TYMP: variants seen among roughly 807,000 people sequenced by gnomAD.
TYMP encodes the protein gliostatin.
In TYMP, 46 loss-of-function variants were observed where a neutral mutation model predicts 42.3. The observed-to-expected ratio is 1.09, with a 90% confidence interval of 0.86 to 1.39. The LOEUF (loss-of-function observed/expected upper bound fraction) is 1.39, where lower values mean the gene tolerates loss of function less well. Ranked by LOEUF, TYMP falls within the 40% of genes most tolerant of loss-of-function variation. TYMP has a pLI of 0.00. For missense variants in TYMP, 837 were observed against 677.6 expected (o/e 1.24, Z -2.61); for synonymous variants, 363 against 308.0 (o/e 1.18, Z -1.87).
rs2069440584 is a variant in TYMP, at chr22:50,527,588, C to T, written c.646G>A (p.Ala216Thr). 1.9e-6 allele frequency: 3 copies of T among 1,613,854 alleles called. No individual in the cohort carries two copies. Among genetic ancestry groups the T allele is most frequent in the Admixed American group, 1.7e-5 (1 of 60,000 alleles). The stretch of plus-strand genomic sequence containing the variant: ...GAAGCAGGCCATGGAGTCAGGTCAC[C>T]TGTGATGAGTGGCAGGCTGTCCACG... ...ATVDSLPLIT[A>T]SILSKKLVEG... Residue 216 changes from alanine (A) to threonine (T), a missense_variant and splice_region_variant, in exon 5 of 10, where the codon GCC becomes ACC. Transcript: ENST00000252029.
Position 50,529,209 on chromosome 22 carries a change from T to C in TYMP, c.344A>G (p.Lys115Arg), listed in dbSNP as rs775841111. 1.9e-6 allele frequency: 3 copies of C among 1,613,314 alleles called. No homozygotes were observed. Among genetic ancestry groups the C allele is most frequent in the East Asian group, 4.5e-5 (2 of 44,888 alleles). Residue 115 changes from lysine to arginine, a missense_variant, in exon 3 of 10, where the codon AAG (lysine) becomes AGG (arginine). Physicochemically the swap from Lys to Arg is conservative, Grantham distance 26. Transcript: ENST00000252029. ...PEAWRQQLVD[K>R]HSTGGVGDKV... ...GTCACCCACACCCCCTGTGGAATGC[T>C]TGTCCACAAGCTGCTGGCGCCAGGC...
Position 50,525,927 on chromosome 22 carries a change from C to T in TYMP, c.1301-9G>A, listed in dbSNP as rs548524392. 41 of 1,488,928 alleles carry T rather than the reference C, an allele frequency of 2.8e-5. No individual in the cohort carries two copies. The East Asian group carries it at 8.0e-4, about 29-fold the overall frequency. 92.2% of individuals were successfully genotyped at this position (1,488,928 alleles called of 1,614,324 possible). ...GCGGAGCCAGGGGGTCCCTGCAGAGCGAGGGGCTGTTAGAGGCCGCGCGGC... is the reference window on the plus strand; with the variant it reads ...GCGGAGCCAGGGGGTCCCTGCAGAGTGAGGGGCTGTTAGAGGCCGCGCGGC... On this transcript the variant is annotated splice_polypyrimidine_tract_variant and intron_variant, in intron 9 of 9. Coordinates refer to ENST00000252029, the MANE Select transcript of TYMP (RefSeq NM_001953.5).
At position 50,527,573 on chromosome 22, in the gene TYMP, A is replaced by G. The variant is rs187092527; in HGVS notation, c.646+15T>C. 2 of 1,613,936 alleles carry G rather than the reference A, an allele frequency of 1.2e-6. No homozygotes were observed. The highest frequency in any genetic ancestry group is 1.7e-6 in the Non-Finnish European group (2 of 1,180,002). On this transcript the variant is annotated intron_variant, in intron 5 of 9. Coordinates refer to ENST00000252029, the MANE Select transcript of TYMP (RefSeq NM_001953.5). ...GCCTGTGAACATGCAGAAGCAGGCC[A>G]TGGAGTCAGGTCACCTGTGATGAGT... is the stretch of plus-strand genomic sequence containing the variant.
Position 50,527,283 on chromosome 22 carries a change from G to A in TYMP, c.647C>T (p.Ala216Val), listed in dbSNP as rs1064792855. 5.0e-6 allele frequency: 8 copies of A among 1,610,042 alleles called. No individual in the cohort carries two copies. Among genetic ancestry groups the A allele is most frequent in the Non-Finnish European group, 6.8e-6 (8 of 1,176,668 alleles). ...ATVDSLPLIT[A>V]SILSKKLVEG... ...CACGAGTTTCTTACTGAGAATGGAG[G>A]CTTTGGGGGAGGCAGAGGAGGTTGG... Residue 216 changes from alanine to valine, a missense_variant and splice_region_variant, in exon 6 of 10, where the codon GCC (alanine) becomes GTC (valine). Ala to Val is a moderately conservative substitution (Grantham distance 64, BLOSUM62 0). Coordinates refer to ENST00000252029, the MANE Select transcript of TYMP (RefSeq NM_001953.5).
intron 3 of TYMP, 72 bp from the exon 4 acceptor site, chr22:50,528,682 T>C: frequency 8.4e-7 from 1 of 1,189,766 alleles, no homozygotes; most frequent in Non-Finnish European, 1.2e-6. Flanking sequence ...TCACCTTCCC[T>C]GGCTAGGAGT....
chr22:50,529,148 T>G lies in TYMP; in HGVS notation c.405A>C (p.Ala135=). The G allele has an allele frequency of 6.2e-7, 1 of 1,613,166 alleles. No homozygotes were observed. The highest frequency in any genetic ancestry group is 8.5e-7 in the Non-Finnish European group (1 of 1,180,000). The change falls in exon 3 of 10, where the codon GCA becomes GCC. Residue 135 remains alanine, a synonymous_variant. Transcript: ENST00000252029. ...GGTGGTTTCTAACCTTGCAGCCACA[T>G]GCCGCCAGGGCAGGTGCGAGGACCA... ...VSLVLAPALA[A]CGCKVPMISG...
chr22:50,528,728 G>A, intron 3 of TYMP, 118 bp from the exon 4 acceptor site: 2 of 812,396 alleles, frequency 2.5e-6, no homozygotes, highest in South Asian at 1.4e-5. Context: ...GCAGCTATAG[G>A]GGTGCCCAGC....
Position 50,526,276 on chromosome 22 carries a change from C to T in TYMP, c.1129G>A (p.Glu377Lys). ...ERRQLLPRAR[E>K]QEELLAPADG... ...GCGGGCGCCAGCAGCTCCTCCTGCT[C>T]CCGGGCGCGAGGCAGCAGCTGCCGG... The change falls in exon 8 of 10, where the codon GAG becomes AAG. Residue 377 changes from glutamate to lysine, a missense_variant. Glu to Lys is a moderately conservative substitution (Grantham distance 56, BLOSUM62 1). Transcript: ENST00000252029. 1.3e-6 allele frequency: 2 copies of T among 1,544,436 alleles called. No individual in the cohort carries two copies. The highest frequency in any genetic ancestry group is 1.7e-6 in the Non-Finnish European group (2 of 1,155,812).
chr22:50,528,662 G>C, intron 3 of TYMP, 52 bp from the exon 4 acceptor site: 4 of 1,405,104 alleles, frequency 2.8e-6, no homozygotes, highest in Non-Finnish European at 4.0e-6. Context: ...CCCCACCTCT[G>C]TGCATCCCTT....
In TYMP at chr22:50,529,307, G is replaced by T. The variant is rs553915679; in HGVS notation, c.246C>A (p.Gly82=). The change falls in exon 3 of 10, where the codon GGC becomes GGA. Residue 82 remains glycine, a synonymous_variant. Coordinates refer to ENST00000252029, the MANE Select transcript of TYMP (RefSeq NM_001953.5). ...GAMLMAIRLR[G]MDLEETSVLT... The stretch of plus-strand genomic sequence containing the variant: ...GCACCGAGGTCTCCTCCAGATCCAT[G>T]CCCCGAAGTCGGATGGCCATCAGCA... The T allele has an allele frequency of 1.2e-6, 2 of 1,613,398 alleles. No individual in the cohort carries two copies. The highest frequency in any genetic ancestry group is 3.3e-5 in the Admixed American group (2 of 60,020).
Position 50,529,893 on chromosome 22 carries a change from C to T in TYMP, c.-11+11G>A. The T allele has an allele frequency of 1.6e-6, 1 of 631,456 alleles. No homozygotes were observed. The highest frequency in any genetic ancestry group is 1.9e-5 in the South Asian group (1 of 51,726). 39.1% of individuals were successfully genotyped at this position (631,456 alleles called of 1,614,324 possible). ...CGCTTCCCCGCCTCGCGACTTGAGC[C>T]CCGCCCGTACCTGCTTAGGGCGCTG... On this transcript the variant is annotated intron_variant, in intron 1 of 9. Coordinates refer to ENST00000252029, the MANE Select transcript of TYMP (RefSeq NM_001953.5).
Position 50,527,702 on chromosome 22 carries a change from C to T in TYMP, c.532G>A (p.Asp178Asn). ...CCCACGATACAGCAGCCCGCCTGGT[C>T]CAGCAGCACTTGCATCTGGTCAGAC... The part of the protein sequence containing the change: ...QSPEQMQVLL[D>N]QAGCCIVGQS... Residue 178 changes from aspartate to asparagine, a missense_variant, in exon 5 of 10, where the codon GAC becomes AAC. Physicochemically the swap from Asp to Asn is conservative, Grantham distance 23 (BLOSUM62 1). Coordinates refer to ENST00000252029, the MANE Select transcript of TYMP (RefSeq NM_001953.5). The T allele has an allele frequency of 6.2e-7, 1 of 1,613,504 alleles. No homozygotes were observed.
Position 50,526,114 on chromosome 22 carries a change from G to A in TYMP, c.1187C>T (p.Pro396Leu). Reference sequence around the variant, plus strand: ...GAGCTCGTGCAGCACCAGCGCCAGCGGCAGCGCCCGGACCAGCTCCACGGT... The same window carrying A: ...GAGCTCGTGCAGCACCAGCGCCAGCAGCAGCGCCCGGACCAGCTCCACGGT... Reference protein sequence around the residue: ...DGTVELVRALPLALVLHELGA... With the variant: ...DGTVELVRALLLALVLHELGA... Residue 396 changes from proline (P) to leucine (L), a missense_variant, in exon 9 of 10, where the codon CCG (proline) becomes CTG (leucine). By Grantham distance (98) the Pro-to-Leu change is moderately conservative. Transcript: ENST00000252029. 1.3e-6 allele frequency: 2 copies of A among 1,488,496 alleles called. No individual in the cohort carries two copies. Among genetic ancestry groups the A allele is most frequent in the African/African-American group, 1.5e-5 (1 of 68,412 alleles). The allele number at this position is 1,488,496 out of a possible 1,614,324, so 92.2% of individuals were successfully genotyped here. A position where few individuals can be genotyped will look rare whatever the true frequency, so the allele number is the denominator to read the frequency against.
chr22:50,526,864 G>A, intron 6 of TYMP, 126 bp from the exon 7 acceptor site: 12 of 1,028,858 alleles, frequency 1.2e-5, no homozygotes, highest in African/African-American at 3.2e-5. Flanking sequence ...GGGAAGGATT[G>A]GGGTGGGGAA....
intron 6 of TYMP, 62 bp downstream of exon 6, chr22:50,527,103 G>A (rs369399347): frequency 4.5e-6 from 6 of 1,322,488 alleles, no homozygotes; most frequent in Non-Finnish European, 6.5e-6. Flanking sequence ...GGGACGGGAG[G>A]GGTGAAGGGT....
intron 5 of TYMP, 77 bp from the exon 6 acceptor site, chr22:50,527,360 G>A (rs764462687): frequency 7.4e-7 from 1 of 1,357,406 alleles, no homozygotes; most frequent in South Asian, 1.2e-5. Context: ...TGCCGACTTT[G>A]GGGTCAGGGG....
chr22:50,526,129 A>G lies in TYMP; in HGVS notation c.1172T>C (p.Leu391Pro). ...CAGCGCCAGCGGCAGCGCCCGGACCAGCTCCACGGTGCCTGCGGGGAGAGG... is the reference window on the plus strand; with the variant it reads ...CAGCGCCAGCGGCAGCGCCCGGACCGGCTCCACGGTGCCTGCGGGGAGAGG... ...LLAPADGTVELVRALPLALVL... is the reference protein window; with the variant it reads ...LLAPADGTVEPVRALPLALVL... The change falls in exon 9 of 10, where the codon CTG becomes CCG. Residue 391 changes from leucine to proline, a missense_variant. By Grantham distance (98) the Leu-to-Pro change is moderately conservative (BLOSUM62 -3). Transcript: ENST00000252029. The G allele has an allele frequency of 1.3e-6, 2 of 1,486,580 alleles. No homozygotes were observed. Among genetic ancestry groups the G allele is most frequent in the Non-Finnish European group, 1.8e-6 (2 of 1,126,298 alleles). The allele number at this position is 1,486,580 out of a possible 1,614,324, so 92.1% of individuals were successfully genotyped here.
chr22:50,528,373 C>G, intron 4 of TYMP, 139 bp downstream of exon 4: 1 of 789,282 alleles, frequency 1.3e-6, no homozygotes, highest in Non-Finnish European at 2.2e-6. Context: ...TGATTTCGGC[C>G]CAGGCCCAGT....
Position 50,528,540 on chromosome 22 carries a change from C to A in TYMP, c.488G>T (p.Gly163Val). ...CTCTGGGCTCTGGATGACATTGAAT[C>A]CAGGAATAGACTCCAGCTTATCCAA... ...GTLDKLESIP[G>V]FNVIQSPEQM... The change falls in exon 4 of 10, where the codon GGA (glycine) becomes GTA (valine). Residue 163 changes from glycine to valine, a missense_variant. Coordinates refer to ENST00000252029, the MANE Select transcript of TYMP (RefSeq NM_001953.5). The A allele has an allele frequency of 1.2e-6, 2 of 1,613,912 alleles. No individual in the cohort carries two copies. The highest frequency in any genetic ancestry group is 8.5e-7 in the Non-Finnish European group (1 of 1,179,986).
Sources: gnomAD v4.1 joint callset for allele counts on GRCh38, gnomAD v4.1.1 for gene constraint, MANE v1.5 for transcripts, NCBI Gene and HGNC (gene_info 2026-07-23, HGNC 2026-07-21) for gene names.